IL3RA: variants seen among roughly 807,000 people sequenced by gnomAD.
The protein encoded by IL3RA is interleukin-3 receptor subunit alpha.
Under a neutral mutation model 52.3 loss-of-function variants are expected in IL3RA, and 73 were observed. The observed-to-expected ratio is 1.40, with a 90% confidence interval of 1.16 to 1.70. The LOEUF (loss-of-function observed/expected upper bound fraction) is 1.70. Among genes scored for constraint, IL3RA ranks in the 40% most tolerant of loss-of-function variants. The pLI is 0.00. For synonymous variants in IL3RA, 260 were observed against 194.0 expected, an observed-to-expected ratio of 1.34 and a Z score of -2.83; for missense variants, 664 against 504.4, an observed-to-expected ratio of 1.32 and a Z score of -3.03.
In IL3RA at chrX:1,368,027, A is replaced by G. The variant is rs768225613; in HGVS notation, c.874+2775A>G. Among the ~76,000 whole-genome samples, 62 of 152,224 alleles carry G rather than the reference A, an allele frequency of 4.1e-4. 1 individual carries two copies. The East Asian group carries it at 6.6e-3, about 16-fold the overall frequency. On this transcript the variant is annotated intron_variant, in intron 9 of 11. Transcript: ENST00000331035. The stretch of plus-strand genomic sequence containing the variant: ...CCCCTGGGCCTTGTAATAAAGACCG[A>G]GGCGGGCGGATCACAAGGTCAGGAG...
intron 3 of IL3RA, 80 bp from the exon 4 acceptor site, chrX:1,348,351 C>T: frequency 8.6e-7 from 1 of 1,157,610 alleles, no homozygotes; most frequent in Non-Finnish European, 1.3e-6. Context: ...GAAACTCTGC[C>T]TCAAAAAAAA....
intron 10 of IL3RA, among the ~76,000 whole-genome samples, chrX:1,379,929 T>C (rs2089059763): frequency 6.6e-6 from 1 of 152,146 alleles, no homozygotes; most frequent in Non-Finnish European, 1.5e-5. Context: ...CCTGGCTAAT[T>C]TTGTATTTTT....
chrX:1,378,837 C>A, intron 10 of IL3RA, 73 bp downstream of exon 10: 1 of 1,315,526 alleles, frequency 7.6e-7, no homozygotes, highest in Non-Finnish European at 1.1e-6. Context: ...CAGAACCATC[C>A]TGAGAATTAT....
intron 10 of IL3RA, among the ~76,000 whole-genome samples, chrX:1,379,421 G>C (rs769508477): frequency 6.6e-6 from 1 of 152,272 alleles, no homozygotes; most frequent in South Asian, 2.1e-4. Context: ...CTCCCAAAGT[G>C]CTGGGATTAC....
intron 3 of IL3RA, 69 bp downstream of exon 3, chrX:1,345,503 T>C (rs2085702918): frequency 8.9e-7 from 1 of 1,124,334 alleles, no homozygotes; most frequent in Non-Finnish European, 1.2e-6. Context: ...ATTTATTTAT[T>C]TTTTGAGACG....
Position 1,352,184 on chromosome X carries a change from C to A in IL3RA, c.383C>A (p.Pro128Gln), listed in dbSNP as rs139527253. Reference sequence around the variant, plus strand: ...TTGAGCTGCAGCTGGGCGGTAGGCCCGGGGGCCCCCGCGGACGTCCAGTAC... The same window carrying A: ...TTGAGCTGCAGCTGGGCGGTAGGCCAGGGGGCCCCCGCGGACGTCCAGTAC... Reference protein sequence around the residue: ...DFLSCSWAVGPGAPADVQYDL... With the variant: ...DFLSCSWAVGQGAPADVQYDL... Residue 128 changes from proline (P) to glutamine (Q), a missense_variant, in exon 5 of 12, where the codon CCG (proline) becomes CAG (glutamine). Pro to Gln is a moderately conservative substitution (Grantham distance 76). Coordinates refer to ENST00000331035, the MANE Select transcript of IL3RA (RefSeq NM_002183.4). The A allele has an allele frequency of 6.2e-7, 1 of 1,613,716 alleles. No individual in the cohort carries two copies. Among genetic ancestry groups the A allele is most frequent in the Non-Finnish European group, 8.5e-7 (1 of 1,179,814 alleles).
chrX:1,341,415 C>T (rs1415966579), intron 1 of IL3RA, among the ~76,000 whole-genome samples: 3 of 152,052 alleles, frequency 2.0e-5, no homozygotes, highest in Non-Finnish European at 2.9e-5. Flanking sequence ...ACACAGTACC[C>T]GTGTGTGCAC....
intron 8 of IL3RA, among the ~76,000 whole-genome samples, chrX:1,362,198 C>G (rs1205225356): frequency 6.6e-6 from 1 of 151,222 alleles, no homozygotes; most frequent in Non-Finnish European, 1.5e-5. Flanking sequence ...TTCTGTCTCT[C>G]CGTTTCTGTC....
chrX:1,359,801 CCT>C (rs1191768964), intron 8 of IL3RA, among the ~76,000 whole-genome samples: 2 of 146,028 alleles, frequency 1.4e-5, no homozygotes, highest in Admixed American at 6.9e-5. Flanking sequence ...ATTCTCCCTC[CCT>C]CTCTTTCTCT....
chrX:1,351,407 C>CA (rs2086076885), intron 4 of IL3RA, among the ~76,000 whole-genome samples: 1 of 152,078 alleles, frequency 6.6e-6, no homozygotes, highest in Non-Finnish European at 1.5e-5. Flanking sequence ...GGGCTCACTG[C>CA]AACCTCTGCC....
intron 4 of IL3RA, 40 bp from the exon 5 acceptor site, chrX:1,352,060 C>G: frequency 6.2e-7 from 1 of 1,607,674 alleles, no homozygotes; most frequent in Non-Finnish European, 8.5e-7. Context: ...CCACCGCGCC[C>G]GGTCCCGATT....
At chrX:1,345,556 C>T in intron 3 of IL3RA, 122 bp downstream of exon 3, 1 of 560,764 alleles carries the variant, frequency 1.8e-6, no homozygotes, top group Admixed American at 3.8e-5. Flanking sequence ...GTGACCCGAT[C>T]TCCGCTCTCT....
At position 1,381,013 on chromosome X, in the gene IL3RA, T is replaced by A. The variant is rs765391819; in HGVS notation, c.981-10T>A. On this transcript the variant is annotated splice_polypyrimidine_tract_variant and intron_variant, in intron 10 of 11. Transcript: ENST00000331035. ...GGGTTCAGAGCTGGGCCATTTCTCT[T>A]TCCTCCGAGGTATCTGGTGATGCAG... 4.0e-5 allele frequency: 65 copies of A among 1,613,142 alleles called. 2 individuals carry two copies. Among genetic ancestry groups the A allele is most frequent in the South Asian group, 4.0e-4 (36 of 91,072 alleles).
chrX:1,349,555 T>A (rs1157497214), intron 4 of IL3RA, among the ~76,000 whole-genome samples: 1 of 151,998 alleles, frequency 6.6e-6, no homozygotes, highest in East Asian at 1.9e-4. Context: ...CAAGTGATCC[T>A]CCCGCCTCAG....
At chrX:1,356,565 C>G (rs62605702) in intron 7 of IL3RA, among the ~76,000 whole-genome samples, 1 of 151,896 alleles carries the variant, frequency 6.6e-6, no homozygotes, top group Non-Finnish European at 1.5e-5. Flanking sequence ...GTCAGGAGAT[C>G]GAGACCATCC....
rs749699853 is a variant in IL3RA, at chrX:1,368,005, C to G, written c.874+2753C>G. Among the ~76,000 whole-genome samples the G allele has an allele frequency of 1.2e-4, 18 of 152,184 alleles. No homozygotes were observed. In the East Asian group the frequency reaches 1.9e-3, roughly 16 times the overall value. The stretch of plus-strand genomic sequence containing the variant: ...AGGTCGTCCCACTGACAGACACCCC[C>G]TGGGCCTTGTAATAAAGACCGAGGC... On this transcript the variant is annotated intron_variant, in intron 9 of 11. Coordinates refer to ENST00000331035, the MANE Select transcript of IL3RA (RefSeq NM_002183.4).
chrX:1,354,307 C>G (rs2086446316), intron 6 of IL3RA, among the ~76,000 whole-genome samples: 1 of 152,096 alleles, frequency 6.6e-6, no homozygotes, highest in Non-Finnish European at 1.5e-5. Context: ...AGGACACACA[C>G]TTTCAGTCCA....
chrX:1,352,496 T>C lies in IL3RA; in HGVS notation c.606T>C (p.Phe202=). 2 of 1,613,414 alleles carry C rather than the reference T, an allele frequency of 1.2e-6. No homozygotes were observed. Among genetic ancestry groups the C allele is most frequent in the South Asian group, 1.1e-5 (1 of 91,064 alleles). The part of the protein sequence containing the change: ...GIPCTDKFVV[F]SQIEILTPPN... The stretch of plus-strand genomic sequence containing the variant: ...CCTGCACAGATAAGTTTGTCGTCTT[T>C]TCACAGATTGGTGAGTAGCCCGGGA... The change falls in exon 6 of 12, where the codon TTT becomes TTC. Residue 202 remains phenylalanine, a synonymous_variant. Transcript: ENST00000331035.
chrX:1,347,478 A>G (rs1465973068), intron 3 of IL3RA, among the ~76,000 whole-genome samples: 1 of 151,338 alleles, frequency 6.6e-6, no homozygotes, highest in East Asian at 1.9e-4. Flanking sequence ...CAAAACGAAG[A>G]ATATACAAGT....
Sources: allele counts gnomAD v4.1 joint callset (sites outside exome capture counted in the v4.1 genomes callset), GRCh38; gene constraint gnomAD v4.1.1; transcripts MANE v1.5; gene names NCBI Gene and HGNC (gene_info 2026-07-23, HGNC 2026-07-21).